Variants in ERMP1 observed in about 807,000 individuals in gnomAD.
ERMP1 encodes Felix-ina.
ERMP1 carries 86 observed loss-of-function variants against 92.0 expected under a neutral mutation model. The observed-to-expected ratio is 0.93, with a 90% CI of 0.79 to 1.12. The LOEUF (loss-of-function observed/expected upper bound fraction) is 1.12, where lower values mean the gene tolerates loss of function less well. Ranked by LOEUF, ERMP1 falls within the 50% of genes most tolerant of loss-of-function variation. The pLI is 0.00. For missense variants in ERMP1, 1,342 were observed against 1,116.3 expected, an observed-to-expected ratio of 1.20 and a Z score of -2.88; for synonymous variants, 530 against 412.8, an observed-to-expected ratio of 1.28 and a Z score of -3.44.
chr9:5,840,465 G>A (rs1830148456), intron 6 of ERMP1, among the ~76,000 whole-genome samples: 1 of 152,156 alleles, frequency 6.6e-6, no homozygotes, highest in Non-Finnish European at 1.5e-5. Flanking sequence ...CACCCCTCCT[G>A]CAGCTTTATG....
intron 6 of ERMP1, among the ~76,000 whole-genome samples, chr9:5,811,909 T>C (rs1260130): frequency 0.058 from 8,851 of 152,198 alleles, 817 homozygotes; most frequent in African/African-American, 0.2. Flanking sequence ...GCCAACTCCT[T>C]TTTCATTTCC....
At chr9:5,855,038 C>T (rs770325124) in intron 6 of ERMP1, among the ~76,000 whole-genome samples, 23 of 152,128 alleles carry the variant, frequency 1.5e-4, no homozygotes, top group Non-Finnish European at 3.1e-4. Flanking sequence ...GCTCAGTTCC[C>T]AGTGCATGAA....
chr9:5,858,252 G>A (rs897356635), intron 6 of ERMP1, among the ~76,000 whole-genome samples: 4 of 152,220 alleles, frequency 2.6e-5, no homozygotes, highest in East Asian at 3.9e-4. Context: ...AAAATGATGA[G>A]AGATGAAGGC....
At chr9:5,803,024 C>G (rs1828731443) in intron 10 of ERMP1, among the ~76,000 whole-genome samples, 3 of 147,232 alleles carry the variant, frequency 2.0e-5, no homozygotes, top group Non-Finnish European at 4.5e-5. Flanking sequence ...CAGAGCGAGA[C>G]TCTGTCTCAA....
chr9:5,853,173 C>T (rs1274933144), intron 6 of ERMP1, among the ~76,000 whole-genome samples: 2 of 152,154 alleles, frequency 1.3e-5, no homozygotes. Flanking sequence ...AGTTTTCTGT[C>T]TCTAGTGATA....
intron 10 of ERMP1, among the ~76,000 whole-genome samples, chr9:5,802,267 C>T (rs1828701063): frequency 6.6e-6 from 1 of 152,160 alleles, no homozygotes; most frequent in Admixed American, 6.5e-5. Flanking sequence ...CTGCAGATGC[C>T]TCTGGATGGA....
At chr9:5,832,253 G>C (rs767507346) in intron 1 of ERMP1, among the ~76,000 whole-genome samples, 4 of 152,162 alleles carry the variant, frequency 2.6e-5, no homozygotes, top group Non-Finnish European at 5.9e-5. Context: ...CCCTCAGAAA[G>C]TTAGAACAGT....
In ERMP1 at chr9:5,797,945, G is replaced by A. The variant is rs183611801; in HGVS notation, c.2271-13C>T. Reference sequence around the variant, plus strand: ...ATACCAGTTTTTCCTATTTAGAAAGGAAGCTTCAGTTTTAGGGTGCTTTAT... The same window carrying A: ...ATACCAGTTTTTCCTATTTAGAAAGAAAGCTTCAGTTTTAGGGTGCTTTAT... On this transcript the variant is annotated splice_polypyrimidine_tract_variant and intron_variant, in intron 12 of 14. Coordinates refer to ENST00000339450, the MANE Select transcript of ERMP1 (RefSeq NM_024896.3). 1.5e-5 allele frequency: 23 copies of A among 1,549,510 alleles called. No homozygotes were observed. In the Admixed American group the frequency reaches 2.7e-4, roughly 18 times the overall value.
At chr9:5,839,004 AC>A (rs1158284226) in intron 6 of ERMP1, among the ~76,000 whole-genome samples, 1 of 152,186 alleles carries the variant, frequency 6.6e-6, no homozygotes, top group Non-Finnish European at 1.5e-5. Context: ...GTCTCCAGCA[AC>A]CCTGTGCCTA....
chr9:5,833,019 C>A lies in ERMP1; in HGVS notation c.9G>T (p.Trp3Cys), dbSNP rs750298178. 1.3e-6 allele frequency: 2 copies of A among 1,538,454 alleles called. No homozygotes were observed. Among genetic ancestry groups the A allele is most frequent in the Non-Finnish European group, 1.7e-6 (2 of 1,153,108 alleles). The change falls in exon 1 of 15, where the codon TGG becomes TGT. Residue 3 changes from tryptophan (W) to cysteine (C), a missense_variant. Coordinates refer to ENST00000339450, the MANE Select transcript of ERMP1 (RefSeq NM_024896.3). MEWGSESAAVRRH... is the reference protein window; with the variant it reads MECGSESAAVRRH... Reference sequence around the variant, plus strand: ...GCCTCACAGCAGCCGACTCAGAACCCCACTCCATGGCCACGAGCCTCAGCT... The same window carrying A: ...GCCTCACAGCAGCCGACTCAGAACCACACTCCATGGCCACGAGCCTCAGCT...
At chr9:5,805,816 C>A in intron 8 of ERMP1, 31 bp from the exon 9 acceptor site, 1 of 1,523,222 alleles carries the variant, frequency 6.6e-7, no homozygotes. Flanking sequence ...CAAGTAGTCT[C>A]ATTCAGGGGT....
intron 6 of ERMP1, among the ~76,000 whole-genome samples, chr9:5,847,299 C>T (rs926386311): frequency 3.9e-5 from 6 of 152,148 alleles, no homozygotes; most frequent in Non-Finnish European, 7.4e-5. Context: ...TTCTGTTGTC[C>T]AGGCTGTAGT....
intron 13 of ERMP1, among the ~76,000 whole-genome samples, 191 bp downstream of exon 13, chr9:5,797,626 C>G (rs1043328829): frequency 6.8e-6 from 1 of 147,196 alleles, no homozygotes; most frequent in Non-Finnish European, 1.5e-5. Context: ...CTAGCCTGGG[C>G]GACAGAGCGA....
chr9:5,820,078 C>T (rs1239000283), intron 4 of ERMP1, among the ~76,000 whole-genome samples: 1 of 152,124 alleles, frequency 6.6e-6, no homozygotes, highest in Non-Finnish European at 1.5e-5. Context: ...GTGGGCCGAT[C>T]ACCTGAGCTC....
intron 6 of ERMP1, among the ~76,000 whole-genome samples, chr9:5,852,321 G>A (rs1314445740): frequency 2.0e-5 from 3 of 150,222 alleles, no homozygotes; most frequent in Non-Finnish European, 4.4e-5. Context: ...GGAGTGAAAT[G>A]GCATGATCAA....
intron 13 of ERMP1, among the ~76,000 whole-genome samples, chr9:5,789,880 C>G (rs576862238): frequency 3.9e-4 from 56 of 143,116 alleles, no homozygotes; most frequent in Admixed American, 9.4e-4. Flanking sequence ...GATGGGGTCT[C>G]CCCGTGTTGC....
At chr9:5,787,726 G>T in intron 13 of ERMP1, 133 bp from the exon 14 acceptor site, 1 of 837,054 alleles carries the variant, frequency 1.2e-6, no homozygotes. Flanking sequence ...ACCTAATGGA[G>T]GTTTACCAGT....
At chr9:5,801,631 C>T (rs902188199) in intron 10 of ERMP1, among the ~76,000 whole-genome samples, 5 of 151,924 alleles carry the variant, frequency 3.3e-5, no homozygotes, top group Admixed American at 6.6e-5. Flanking sequence ...CCTTAATGTG[C>T]GAAAAGAACA....
chr9:5,809,054 C>G (rs573951043), intron 8 of ERMP1, among the ~76,000 whole-genome samples: 31 of 151,992 alleles, frequency 2.0e-4, no homozygotes, highest in African/African-American at 7.0e-4. Flanking sequence ...GACAGAATCT[C>G]GCTGTCGCCC....
Sources: gnomAD v4.1 joint callset for allele counts (sites outside exome capture counted in the v4.1 genomes callset) on GRCh38, gnomAD v4.1.1 for gene constraint, MANE v1.5 for transcripts, NCBI Gene and HGNC (gene_info 2026-07-23, HGNC 2026-07-21) for gene names.